Variants in PPP2R2B observed in about 807,000 individuals in gnomAD.
The protein encoded by PPP2R2B is protein phosphatase 2 regulatory subunit Bbeta.
In PPP2R2B, 5 loss-of-function variants were observed where a neutral mutation model predicts 46.0. The ratio of observed to expected loss-of-function variants is 0.11; its 90% CI spans 0.06 to 0.23. The LOEUF (loss-of-function observed/expected upper bound fraction) is 0.23. PPP2R2B is among the 10% of genes least tolerant of loss of function. PPP2R2B has a pLI of 1.00. For missense variants in PPP2R2B, 367 were observed against 575.0 expected (o/e 0.64, Z 3.70); for synonymous variants, 215 against 206.7 (o/e 1.04, Z -0.34).
chr5:146,925,929 A>ATGTGTGGGACAGATGATCTG (rs1763767765), intron 1 of PPP2R2B, among the ~76,000 whole-genome samples: 1 of 152,180 alleles, frequency 6.6e-6, no homozygotes, highest in Non-Finnish European at 1.5e-5. Context: ...TCTCTAGTGA[A>ATGTGTGGGACAGATGATCTG]AAATTTTAAA....
intron 2 of PPP2R2B, among the ~76,000 whole-genome samples, chr5:146,833,629 C>A (rs1274977150): frequency 3.9e-5 from 6 of 152,152 alleles, no homozygotes; most frequent in African/African-American, 1.4e-4. Flanking sequence ...TTTCTCCATT[C>A]TCTGAGGCAT....
At chr5:146,964,364 A>G (rs891299776) in intron 1 of PPP2R2B, among the ~76,000 whole-genome samples, 1 of 152,222 alleles carries the variant, frequency 6.6e-6, no homozygotes, top group East Asian at 1.9e-4. Context: ...TATGATAAAC[A>G]TTAGCATATT....
intron 2 of PPP2R2B, among the ~76,000 whole-genome samples, chr5:147,073,405 A>T (rs143212961): frequency 6.6e-6 from 1 of 152,148 alleles, no homozygotes; most frequent in Non-Finnish European, 1.5e-5. Flanking sequence ...AAATGCTTTC[A>T]TCTTGCACAA....
At chr5:146,795,427 C>T (rs188147302) in intron 2 of PPP2R2B, among the ~76,000 whole-genome samples, 1 of 152,008 alleles carries the variant, frequency 6.6e-6, no homozygotes, top group Non-Finnish European at 1.5e-5. Context: ...ATGAAATGAA[C>T]CACACACAGA....
Position 146,878,137 on chromosome 5 carries a change from A to G in PPP2R2B, c.-66T>C. On this transcript the variant is annotated 5_prime_UTR_variant, in exon 2 of 10. Transcript: ENST00000394411. The surrounding 1 kb of genome is among the most constrained non-coding windows in gnomAD (Gnocchi z 4.5). Reference sequence around the variant, plus strand: ...ACAAGTATCCATGATCCCTCCCCGCAGCCAGTCTCACAGGAGAGGGGGGCA... The same window carrying G: ...ACAAGTATCCATGATCCCTCCCCGCGGCCAGTCTCACAGGAGAGGGGGGCA... 1 of 1,611,418 alleles carries G rather than the reference A, an allele frequency of 6.2e-7. No individual in the cohort carries two copies. Among genetic ancestry groups the G allele is most frequent in the Non-Finnish European group, 8.5e-7 (1 of 1,178,724 alleles).
intron 1 of PPP2R2B, among the ~76,000 whole-genome samples, chr5:146,899,067 G>C (rs1248249521): frequency 1.3e-5 from 2 of 151,804 alleles, no homozygotes; most frequent in African/African-American, 2.4e-5. Context: ...TCAGTAGGGC[G>C]ATTCCTCAGG....
At chr5:146,862,859 GAAA>G (rs370025208) in intron 2 of PPP2R2B, among the ~76,000 whole-genome samples, 3 of 106,618 alleles carry the variant, frequency 2.8e-5, no homozygotes, top group African/African-American at 9.5e-5. Flanking sequence ...CAAGTAATTG[GAAA>G]AAAAAAAAAA....
At chr5:147,068,163 A>C (rs974654049) in intron 2 of PPP2R2B, among the ~76,000 whole-genome samples, 1 of 152,180 alleles carries the variant, frequency 6.6e-6, no homozygotes. Context: ...TTTCATTAGT[A>C]TCACAGCTAA....
intron 1 of PPP2R2B, among the ~76,000 whole-genome samples, chr5:146,937,139 T>C (rs774759857): frequency 1.3e-5 from 2 of 152,064 alleles, no homozygotes; most frequent in Admixed American, 6.6e-5. Context: ...CCGTCTCTAC[T>C]AAAAATACAA....
intron 1 of PPP2R2B, among the ~76,000 whole-genome samples, chr5:146,932,194 T>G (rs1344724000): frequency 6.6e-6 from 1 of 152,204 alleles, no homozygotes; most frequent in Non-Finnish European, 1.5e-5. Flanking sequence ...ACTGGGATTC[T>G]TGAATTCAAG....
chr5:146,689,644 T>A (rs1231100159), intron 5 of PPP2R2B, among the ~76,000 whole-genome samples: 1 of 152,098 alleles, frequency 6.6e-6, no homozygotes, highest in Non-Finnish European at 1.5e-5. Flanking sequence ...ATGCCCAAGG[T>A]CACTAGCGGA....
intron 2 of PPP2R2B, among the ~76,000 whole-genome samples, chr5:146,712,507 G>T (rs1780269001): frequency 6.6e-6 from 1 of 152,148 alleles, no homozygotes; most frequent in South Asian, 2.1e-4. Flanking sequence ...CTGAAAATCG[G>T]ATATTTAGAA....
At chr5:146,702,789 GCTAT>G (rs1217620298) in intron 2 of PPP2R2B, among the ~76,000 whole-genome samples, 2 of 152,182 alleles carry the variant, frequency 1.3e-5, no homozygotes, top group Admixed American at 6.5e-5. Context: ...TTTGGAATAG[GCTAT>G]CTCATTCCAA....
intron 5 of PPP2R2B, among the ~76,000 whole-genome samples, chr5:146,670,053 A>G (rs534551431): frequency 8.1e-4 from 124 of 152,218 alleles, no homozygotes; most frequent in Non-Finnish European, 1.3e-3. Flanking sequence ...TGACACTTTT[A>G]TATCTTTCAG....
chr5:146,779,019 C>G (rs1755350405), intron 2 of PPP2R2B, among the ~76,000 whole-genome samples: 1 of 152,188 alleles, frequency 6.6e-6, no homozygotes, highest in Admixed American at 6.5e-5. Flanking sequence ...CTGGTTGACA[C>G]AGCAAGCAGT....
At chr5:146,837,698 A>T (rs1674799709) in intron 2 of PPP2R2B, among the ~76,000 whole-genome samples, 1 of 152,194 alleles carries the variant, frequency 6.6e-6, no homozygotes, top group Non-Finnish European at 1.5e-5. Flanking sequence ...TATTTTATAT[A>T]TTTTTTTGTA....
At chr5:146,797,006 G>C (rs1756580714) in intron 2 of PPP2R2B, among the ~76,000 whole-genome samples, 1 of 152,136 alleles carries the variant, frequency 6.6e-6, no homozygotes, top group South Asian at 2.1e-4. Context: ...TAGTAAATCA[G>C]CTAAACTCTT....
chr5:146,958,228 G>A (rs902652843), intron 1 of PPP2R2B, among the ~76,000 whole-genome samples: 1 of 152,088 alleles, frequency 6.6e-6, no homozygotes, highest in Non-Finnish European at 1.5e-5. Context: ...TTTCCCTTGA[G>A]GATGCTCAGC....
intron 5 of PPP2R2B, among the ~76,000 whole-genome samples, chr5:146,668,099 T>A (rs188701512): frequency 6.6e-6 from 1 of 152,296 alleles, no homozygotes; most frequent in African/African-American, 2.4e-5. Flanking sequence ...ACTGCTGCAG[T>A]TAACAGAGCT....
Sources: allele counts gnomAD v4.1 joint callset (sites outside exome capture counted in the v4.1 genomes callset), GRCh38; gene constraint gnomAD v4.1.1; non-coding constraint Gnocchi (gnomAD v3.1); transcripts MANE v1.5; gene names NCBI Gene and HGNC (gene_info 2026-07-23, HGNC 2026-07-21).